HELZ: variants seen among roughly 807,000 people sequenced by gnomAD.
HELZ encodes helicase with zinc finger.
HELZ carries 23 observed loss-of-function variants against 218.2 expected under a neutral mutation model. The ratio of observed to expected loss-of-function variants is 0.11; its 90% CI spans 0.08 to 0.15. The LOEUF is 0.15. Ranked by LOEUF, HELZ falls within the 10% of genes least tolerant of loss-of-function variation. The probability of loss-of-function intolerance (pLI) is 1.00; values close to 1 mark genes in which losing one functional copy is unlikely to be tolerated. For synonymous variants in HELZ, 814 were observed against 829.4 expected (o/e 0.98, Z 0.32); for missense variants, 1,813 against 2,353.7 (o/e 0.77, Z 4.75).
chr17:67,215,822 T>C (rs2040584907), intron 5 of HELZ, 77 bp downstream of exon 5: 2 of 970,608 alleles, frequency 2.1e-6, no homozygotes, highest in East Asian at 2.5e-5. Flanking sequence ...ATCATCATTT[T>C]TGAAATTAGC....
intron 28 of HELZ, among the ~76,000 whole-genome samples, chr17:67,113,771 G>T (rs973102668): frequency 2.6e-5 from 4 of 152,220 alleles, no homozygotes; most frequent in African/African-American, 4.8e-5. Flanking sequence ...CAAAGGAAGT[G>T]AGATACGTGT....
At chr17:67,165,166 T>C (rs534422817) in intron 15 of HELZ, among the ~76,000 whole-genome samples, 1 of 152,294 alleles carries the variant, frequency 6.6e-6, no homozygotes, top group South Asian at 2.1e-4. Context: ...TAAGAAAGAA[T>C]ACTGGAAACA....
intron 3 of HELZ, among the ~76,000 whole-genome samples, chr17:67,232,805 GAA>G (rs2041072290): frequency 6.6e-6 from 1 of 152,172 alleles, no homozygotes; most frequent in Non-Finnish European, 1.5e-5. Flanking sequence ...TTGTATGTCT[GAA>G]AATGTCCATA....
At chr17:67,233,083 G>A (rs147066152) in intron 3 of HELZ, among the ~76,000 whole-genome samples, 24 of 152,330 alleles carry the variant, frequency 1.6e-4, no homozygotes, top group African/African-American at 4.6e-4. Context: ...GCAGTGAGTC[G>A]AGATCGAGCC....
At chr17:67,196,543 T>C (rs2040032984) in intron 7 of HELZ, among the ~76,000 whole-genome samples, 1 of 151,456 alleles carries the variant, frequency 6.6e-6, no homozygotes, top group African/African-American at 2.4e-5. Flanking sequence ...AGTGGGTGGG[T>C]GGATAAACAG....
rs541010225 is a variant in HELZ, at chr17:67,239,547, A to G, written c.-75-58T>C. The G allele has an allele frequency of 4.6e-5, 7 of 152,342 alleles. No individual in the cohort carries two copies. The East Asian group carries it at 9.6e-4, about 21-fold the overall frequency. The allele number at this position is 152,342 out of a possible 1,614,324, so 9.4% of individuals were successfully genotyped here. On this transcript the variant is annotated intron_variant, in intron 2 of 32. Coordinates refer to ENST00000358691, the MANE Select transcript of HELZ (RefSeq NM_014877.4). ...ATAGTAGAAAACACCATTCACCAAG[A>G]TATCAGTTCCAAAGCATTTGTATCC...
In HELZ at chr17:67,108,330, G is replaced by A. The variant is rs2037170042; in HGVS notation, c.4724+162C>T. 4 of 592,018 alleles carry A rather than the reference G, an allele frequency of 6.8e-6. No individual in the cohort carries two copies. In the East Asian group the frequency reaches 8.4e-5, roughly 12 times the overall value. 36.7% of individuals were successfully genotyped at this position (592,018 alleles called of 1,614,324 possible). A position where few individuals can be genotyped will look rare whatever the true frequency, so the allele number is the denominator to read the frequency against. On this transcript the variant is annotated intron_variant, in intron 30 of 32. Coordinates refer to ENST00000358691, the MANE Select transcript of HELZ (RefSeq NM_014877.4). The surrounding 1 kb of genome is among the most constrained non-coding windows in gnomAD (Gnocchi z 4.1). ...AGAGTTACTTCTAAATGAGTTTTCT[G>A]TATTTTAGAGTCAACAAGAGAACTG...
At chr17:67,216,862 A>C (rs558864691) in intron 4 of HELZ, among the ~76,000 whole-genome samples, 12 of 148,910 alleles carry the variant, frequency 8.1e-5, no homozygotes, top group African/African-American at 2.3e-4. Flanking sequence ...CCTTCCTCTC[A>C]CACTTTCCCC....
chr17:67,137,660 C>T (rs2038195030), intron 22 of HELZ, among the ~76,000 whole-genome samples: 1 of 152,156 alleles, frequency 6.6e-6, no homozygotes, highest in African/African-American at 2.4e-5. Context: ...ACTATTATGA[C>T]TGTAATTCAC....
intron 5 of HELZ, among the ~76,000 whole-genome samples, chr17:67,207,757 C>T (rs1302861652): frequency 6.6e-6 from 1 of 152,028 alleles, no homozygotes; most frequent in Non-Finnish European, 1.5e-5. Context: ...GCCTATAATC[C>T]CAGCACTTTG....
At chr17:67,078,658 G>T in intron 32 of HELZ, 72 bp from the exon 33 acceptor site, 2 of 1,103,838 alleles carry the variant, frequency 1.8e-6, no homozygotes, top group South Asian at 2.5e-5. Context: ...TTCACTCAGT[G>T]TGTCAGAACT....
chr17:67,119,280 G>A (rs1344581165), intron 27 of HELZ, among the ~76,000 whole-genome samples: 2 of 152,096 alleles, frequency 1.3e-5, no homozygotes, highest in Non-Finnish European at 2.9e-5. Flanking sequence ...TAAACATATT[G>A]CGGTACATCC....
intron 28 of HELZ, among the ~76,000 whole-genome samples, chr17:67,114,069 C>G (rs1248977314): frequency 1.3e-5 from 2 of 152,132 alleles, no homozygotes; most frequent in African/African-American, 4.8e-5. Context: ...CATTTACTAC[C>G]TTATCATAGA....
At chr17:67,191,833 C>T (rs1193233417) in intron 9 of HELZ, among the ~76,000 whole-genome samples, 2 of 149,922 alleles carry the variant, frequency 1.3e-5, no homozygotes, top group East Asian at 3.9e-4. Flanking sequence ...AAATTATAGG[C>T]AAAGCCAGTT....
At chr17:67,222,228 T>C (rs1457934424) in intron 3 of HELZ, among the ~76,000 whole-genome samples, 1 of 152,196 alleles carries the variant, frequency 6.6e-6, no homozygotes, top group Non-Finnish European at 1.5e-5. Flanking sequence ...CTTTACCTAC[T>C]TGACAGAGGA....
intron 17 of HELZ, among the ~76,000 whole-genome samples, chr17:67,157,163 G>C (rs965957212): frequency 1.3e-5 from 2 of 152,160 alleles, no homozygotes; most frequent in Non-Finnish European, 2.9e-5. Flanking sequence ...TTTCTATAAA[G>C]CCTGCAGAAC....
intron 21 of HELZ, among the ~76,000 whole-genome samples, chr17:67,138,416 T>G (rs2038218079): frequency 1.3e-5 from 2 of 152,148 alleles, no homozygotes; most frequent in Non-Finnish European, 2.9e-5. Flanking sequence ...CTCAAGTTCC[T>G]GTGTGGGAAA....
intron 5 of HELZ, among the ~76,000 whole-genome samples, chr17:67,206,267 C>G (rs2040293626): frequency 6.6e-6 from 1 of 152,320 alleles, no homozygotes; most frequent in Non-Finnish European, 1.5e-5. Flanking sequence ...TTTCTGTTCA[C>G]TAGGAGTTAC....
At chr17:67,101,056 G>A (rs1304252969) in intron 31 of HELZ, among the ~76,000 whole-genome samples, 2 of 149,572 alleles carry the variant, frequency 1.3e-5, no homozygotes, top group Admixed American at 6.7e-5. Flanking sequence ...CTTGCAGTGA[G>A]CCCAGATAGC....
Sources: gnomAD v4.1 joint callset for allele counts (sites outside exome capture counted in the v4.1 genomes callset) on GRCh38, gnomAD v4.1.1 for gene constraint, Gnocchi (gnomAD v3.1) non-coding constraint, MANE v1.5 for transcripts, NCBI Gene and HGNC (gene_info 2026-07-23, HGNC 2026-07-21) for gene names.